The following EPHB1 variants were observed in gnomAD, a reference collection of about 807,000 sequenced individuals.
EPHB1 encodes EPH receptor B1.
EPHB1 carries 30 observed loss-of-function variants against 94.4 expected under a neutral mutation model. The ratio of observed to expected loss-of-function variants is 0.32; its 90% CI spans 0.24 to 0.43. The LOEUF (loss-of-function observed/expected upper bound fraction) is 0.43. EPHB1 is among the 20% of genes least tolerant of loss of function. The pLI, the probability that EPHB1 is intolerant of heterozygous loss-of-function variation, is 1.00. For missense variants in EPHB1, 1,055 were observed against 1,308.3 expected (o/e 0.81, Z 2.99); for synonymous variants, 522 against 489.1 (o/e 1.07, Z -0.89).
At chr3:134,843,995 A>G (rs1053977391) in intron 1 of EPHB1, among the ~76,000 whole-genome samples, 4 of 152,150 alleles carry the variant, frequency 2.6e-5, no homozygotes, top group African/African-American at 9.7e-5. Context: ...GACATTTTAG[A>G]TAATGTATTA....
At chr3:135,048,322 A>G (rs1417631568) in intron 3 of EPHB1, among the ~76,000 whole-genome samples, 1 of 118,582 alleles carries the variant, frequency 8.4e-6, no homozygotes, top group African/African-American at 3.4e-5. Flanking sequence ...GTGCAGTGGC[A>G]CCATCACCAA....
At chr3:134,995,199 T>C (rs1049194084) in intron 3 of EPHB1, among the ~76,000 whole-genome samples, 6 of 152,234 alleles carry the variant, frequency 3.9e-5, no homozygotes, top group Admixed American at 3.9e-4. Context: ...AATTTTGTCA[T>C]TACAAGGTGC....
chr3:134,860,180 C>CACAG (rs1457174355), intron 1 of EPHB1, among the ~76,000 whole-genome samples: 91 of 151,680 alleles, frequency 6.0e-4, no homozygotes, highest in Admixed American at 1.2e-3. Context: ...CAGACACACA[C>CACAG]ACACACACAC....
At chr3:135,247,996 T>G (rs1943969695) in intron 13 of EPHB1, among the ~76,000 whole-genome samples, 1 of 152,306 alleles carries the variant, frequency 6.6e-6, no homozygotes, top group East Asian at 1.9e-4. Flanking sequence ...CTATGTCTTC[T>G]TAAAGAGCGG....
At chr3:135,131,447 C>A (rs554504005) in intron 4 of EPHB1, among the ~76,000 whole-genome samples, 21 of 152,252 alleles carry the variant, frequency 1.4e-4, no homozygotes, top group African/African-American at 5.1e-4. Flanking sequence ...TGGTGACAGT[C>A]ACGTGCATGA....
chr3:135,170,999 T>A (rs965038538), intron 9 of EPHB1, among the ~76,000 whole-genome samples: 1 of 152,318 alleles, frequency 6.6e-6, no homozygotes, highest in Non-Finnish European at 1.5e-5. Flanking sequence ...AGACTTTAGA[T>A]TGGCAAACAC....
chr3:135,183,149 C>T (rs765474878), intron 10 of EPHB1, among the ~76,000 whole-genome samples: 2 of 149,752 alleles, frequency 1.3e-5, no homozygotes, highest in Non-Finnish European at 3.0e-5. Context: ...ACTATGGGAA[C>T]TGGAAAATGC....
intron 1 of EPHB1, among the ~76,000 whole-genome samples, chr3:134,858,016 C>T (rs2037160085): frequency 1.3e-5 from 2 of 152,302 alleles, no homozygotes; most frequent in East Asian, 3.9e-4. Flanking sequence ...TTTCATGAAG[C>T]ATGGCACCAC....
At chr3:134,993,753 G>A (rs1258967224) in intron 3 of EPHB1, among the ~76,000 whole-genome samples, 1 of 152,206 alleles carries the variant, frequency 6.6e-6, no homozygotes, top group African/African-American at 2.4e-5. Context: ...TTAAATGTCA[G>A]ACTAGTCTCC....
At chr3:135,139,665 T>A (rs1940750264) in intron 5 of EPHB1, among the ~76,000 whole-genome samples, 1 of 152,122 alleles carries the variant, frequency 6.6e-6, no homozygotes, top group Non-Finnish European at 1.5e-5. Flanking sequence ...GGTGACTGAT[T>A]GGGAAGTGAC....
At chr3:135,174,943 C>T in intron 9 of EPHB1, among the ~76,000 whole-genome samples, 1 of 152,228 alleles carries the variant, frequency 6.6e-6, no homozygotes, top group East Asian at 1.9e-4. Context: ...TAGGCATCCT[C>T]CACCAGCTGG....
chr3:134,813,837 G>A (rs2036219141), intron 1 of EPHB1, among the ~76,000 whole-genome samples: 1 of 152,212 alleles, frequency 6.6e-6, no homozygotes, highest in African/African-American at 2.4e-5. Flanking sequence ...CACATGACAA[G>A]GATGCAAAGG....
At chr3:134,855,746 C>T (rs1280271116) in intron 1 of EPHB1, among the ~76,000 whole-genome samples, 1 of 152,106 alleles carries the variant, frequency 6.6e-6, no homozygotes, top group African/African-American at 2.4e-5. Context: ...AGGAAATATA[C>T]CCCAGAACAG....
At chr3:134,971,971 C>G (rs1933986576) in intron 3 of EPHB1, among the ~76,000 whole-genome samples, 1 of 152,138 alleles carries the variant, frequency 6.6e-6, no homozygotes, top group South Asian at 2.1e-4. Context: ...TGTAATATTT[C>G]TTAAATGGTA....
At position 134,872,334 on chromosome 3, in the gene EPHB1, C is replaced by T. The variant is rs145753304; in HGVS notation, c.59-53482C>T. On this transcript the variant is annotated intron_variant, in intron 1 of 15. Coordinates refer to ENST00000398015, the MANE Select transcript of EPHB1 (RefSeq NM_004441.5). ...GCACATTTGAAAGATAATTCCCATTCGAGGGAGAGGCCCTTTGTGAGCAGT... is the reference window on the plus strand; with the variant it reads ...GCACATTTGAAAGATAATTCCCATTTGAGGGAGAGGCCCTTTGTGAGCAGT... Among the ~76,000 whole-genome samples, 122 of 152,332 alleles carry T rather than the reference C, an allele frequency of 8.0e-4. 1 individual carries two copies. Among genetic ancestry groups the T allele is most frequent in the African/African-American group, 2.8e-3 (117 of 41,568 alleles).
At chr3:134,815,875 C>T (rs2036259146) in intron 1 of EPHB1, among the ~76,000 whole-genome samples, 1 of 152,168 alleles carries the variant, frequency 6.6e-6, no homozygotes, top group Non-Finnish European at 1.5e-5. Context: ...ACACCCATGC[C>T]ACAGCCCCTG....
intron 2 of EPHB1, among the ~76,000 whole-genome samples, chr3:134,936,642 TCTCCATGCATG>T: frequency 6.6e-6 from 1 of 152,168 alleles, no homozygotes; most frequent in Non-Finnish European, 1.5e-5. Context: ...CACATCCTTA[TCTCCATGCATG>T]CTTGCATGCT....
At chr3:134,952,231 G>T (rs556751975) in intron 3 of EPHB1, among the ~76,000 whole-genome samples, 179 bp downstream of exon 3, 1 of 152,304 alleles carries the variant, frequency 6.6e-6, no homozygotes, top group East Asian at 1.9e-4. Context: ...GTCCAACCAG[G>T]TTGTCCATAT....
At chr3:134,936,144 G>C (rs1271925476) in intron 2 of EPHB1, among the ~76,000 whole-genome samples, 2 of 152,194 alleles carry the variant, frequency 1.3e-5, no homozygotes, top group Non-Finnish European at 2.9e-5. Context: ...AGCTGGGGTG[G>C]GGAGGAGTGG....
Sources: allele counts gnomAD v4.1 joint callset (sites outside exome capture counted in the v4.1 genomes callset), GRCh38; gene constraint gnomAD v4.1.1; transcripts MANE v1.5; gene names NCBI Gene and HGNC (gene_info 2026-07-23, HGNC 2026-07-21).